The following DOCK4 variants were observed in gnomAD, a reference collection of about 807,000 sequenced individuals.
The protein encoded by DOCK4 is dedicator of cytokinesis protein 4.
In DOCK4, 97 loss-of-function variants were observed where a neutral mutation model predicts 268.1. That is an observed-to-expected ratio of 0.36 (90% CI 0.31 to 0.43). The LOEUF (loss-of-function observed/expected upper bound fraction) is 0.43, where lower values mean the gene tolerates loss of function less well. Ranked by LOEUF, DOCK4 falls within the 20% of genes least tolerant of loss-of-function variation. The pLI is 1.00. For missense variants in DOCK4, 2,145 were observed against 2,455.7 expected (o/e 0.87, Z 2.67); for synonymous variants, 954 against 887.2 (o/e 1.08, Z -1.34).
intron 38 of DOCK4, among the ~76,000 whole-genome samples, chr7:111,765,495 GCTTTAAAGGATCAAGT>G (rs1433597973): frequency 6.6e-6 from 1 of 152,146 alleles, no homozygotes; most frequent in East Asian, 1.9e-4. Flanking sequence ...GCTGATCCCT[GCTTTAAAGGATCAAGT>G]GTATTATCAC....
intron 7 of DOCK4, among the ~76,000 whole-genome samples, chr7:111,984,079 C>T (rs1208668640): frequency 6.6e-6 from 1 of 152,100 alleles, no homozygotes; most frequent in Non-Finnish European, 1.5e-5. Context: ...TATTGACTTC[C>T]TGGTGCCTGG....
intron 39 of DOCK4, among the ~76,000 whole-genome samples, chr7:111,764,358 CA>C (rs1306962252): frequency 6.6e-6 from 1 of 152,168 alleles, no homozygotes; most frequent in Non-Finnish European, 1.5e-5. Context: ...ACACAAACAT[CA>C]AAATATTTCT....
At chr7:111,731,873 T>TGG (rs1159664150) in intron 52 of DOCK4, among the ~76,000 whole-genome samples, 1 of 152,032 alleles carries the variant, frequency 6.6e-6, no homozygotes. Context: ...TGTGTGTGTG[T>TGG]GTTTGATGTA....
chr7:111,791,605 T>C (rs1799555577), intron 30 of DOCK4, among the ~76,000 whole-genome samples: 1 of 152,044 alleles, frequency 6.6e-6, no homozygotes, highest in Admixed American at 6.5e-5. Flanking sequence ...CATGACACCA[T>C]GGCCAGCTAA....
chr7:111,911,178 A>C (rs1792067430), intron 13 of DOCK4, among the ~76,000 whole-genome samples: 1 of 152,188 alleles, frequency 6.6e-6, no homozygotes, highest in African/African-American at 2.4e-5. Flanking sequence ...TTAACTCTGA[A>C]GGACACATCT....
chr7:112,054,339 A>C (rs1336295548), intron 1 of DOCK4, among the ~76,000 whole-genome samples: 7 of 152,130 alleles, frequency 4.6e-5, no homozygotes, highest in African/African-American at 1.7e-4. Flanking sequence ...CAATTTCAAA[A>C]TGATGAGACC....
rs1252737692 is a variant in DOCK4 at position 111,739,172 on chromosome 7, A to C, written c.5194T>G (p.Cys1732Gly). The change falls in exon 49 of 53, where the codon TGC becomes GGC. Residue 1732 changes from cysteine (C) to glycine (G), a missense_variant. Around this residue, in one of 2 missense-constraint regions of DOCK4, gnomAD observed 547 missense variants for 469.0 expected, o/e 1.17. Coordinates refer to ENST00000428084, the MANE Select transcript of DOCK4 (RefSeq NM_001363540.2). The stretch of plus-strand genomic sequence containing the variant: ...ACAGGTGTTGGATAGATGGCACTGC[A>C]TGGTCTCTCTCTTGGTGACAGGCAA... ...NSCLSPRERP[C>G]SAIYPTPVEP... The C allele has an allele frequency of 1.2e-6, 2 of 1,613,990 alleles. No homozygotes were observed. Among genetic ancestry groups the C allele is most frequent in the Admixed American group, 3.3e-5 (2 of 60,024 alleles).
chr7:111,934,973 G>A (rs1471297242), intron 12 of DOCK4, among the ~76,000 whole-genome samples: 1 of 151,226 alleles, frequency 6.6e-6, no homozygotes, highest in Non-Finnish European at 1.5e-5. Context: ...TTGAGACAGA[G>A]TCTTACTGTG....
At chr7:111,764,702 G>C (rs997566734) in intron 39 of DOCK4, among the ~76,000 whole-genome samples, 1 of 151,932 alleles carries the variant, frequency 6.6e-6, no homozygotes, top group African/African-American at 2.4e-5. Context: ...TCATCAAAAT[G>C]GCCAAACAAC....
intron 13 of DOCK4, among the ~76,000 whole-genome samples, chr7:111,905,609 G>A (rs902413781): frequency 8.6e-5 from 13 of 152,046 alleles, no homozygotes; most frequent in Non-Finnish European, 1.6e-4. Context: ...AGGATACAGC[G>A]CATGATCACC....
intron 1 of DOCK4, among the ~76,000 whole-genome samples, chr7:112,197,970 G>GAAAAAAAAAAAAAAAAAA (rs10525534): frequency 7.2e-5 from 8 of 111,068 alleles, no homozygotes; most frequent in Middle Eastern, 5.0e-3. Context: ...GACCTGCCTA[G>GAAAAAAAAAAAAAAAAAA]AAAAAAAAAA....
At chr7:111,821,374 G>C (rs1801965652) in intron 27 of DOCK4, 1 of 152,252 alleles carries the variant, frequency 6.6e-6, no homozygotes, top group African/African-American at 2.4e-5. Context: ...TGTGGGCTTG[G>C]AGAGTGACAA....
chr7:111,907,970 C>T (rs1791735188), intron 13 of DOCK4, among the ~76,000 whole-genome samples: 1 of 152,106 alleles, frequency 6.6e-6, no homozygotes. Flanking sequence ...TCAAGCAATC[C>T]ACCATCCTTG....
At chr7:111,877,813 A>T (rs1807036908) in intron 16 of DOCK4, among the ~76,000 whole-genome samples, 1 of 152,224 alleles carries the variant, frequency 6.6e-6, no homozygotes, top group Admixed American at 6.5e-5. Context: ...TTAGTCAAGG[A>T]TTGTTGCTTA....
At chr7:112,138,894 G>C (rs1204866552) in intron 1 of DOCK4, among the ~76,000 whole-genome samples, 1 of 152,140 alleles carries the variant, frequency 6.6e-6, no homozygotes, top group African/African-American at 2.4e-5. Flanking sequence ...CTGTCTACAA[G>C]CCAGGAAGTG....
chr7:111,858,734 C>T (rs1235976339), intron 23 of DOCK4, among the ~76,000 whole-genome samples: 5 of 152,108 alleles, frequency 3.3e-5, no homozygotes. Flanking sequence ...CCTCTATAAT[C>T]ACGTAAACCA....
rs763189240 is a variant in DOCK4, at chr7:111,915,770, G to A, written c.1192+9C>T. The A allele has an allele frequency of 6.2e-7, 1 of 1,612,366 alleles. No homozygotes were observed. Among genetic ancestry groups the A allele is most frequent in the Non-Finnish European group, 8.5e-7 (1 of 1,179,356 alleles). On this transcript the variant is annotated intron_variant, in intron 13 of 52. Transcript: ENST00000428084. ...ATTTCATCATATCGGTACGTCCCAA[G>A]TCACCTACCAGGCATAATAATATTT... is the stretch of plus-strand genomic sequence containing the variant.
intron 1 of DOCK4, among the ~76,000 whole-genome samples, chr7:112,086,107 GTAC>G (rs1304531202): frequency 6.6e-6 from 1 of 152,086 alleles, no homozygotes; most frequent in Non-Finnish European, 1.5e-5. Context: ...TTGCTTAAAT[GTAC>G]TACAGGAAAA....
At chr7:111,758,530 G>T in intron 41 of DOCK4, 94 bp downstream of exon 41, 1 of 1,373,196 alleles carries the variant, frequency 7.3e-7, no homozygotes, top group Non-Finnish European at 1.0e-6. Context: ...TCTGTCACTT[G>T]ACACTATTCT....
Sources: gnomAD v4.1 joint callset for allele counts (sites outside exome capture counted in the v4.1 genomes callset) on GRCh38, gnomAD v4.1.1 for gene constraint, gnomAD v4.1.1 regional missense constraint, MANE v1.5 for transcripts, NCBI Gene and HGNC (gene_info 2026-07-23, HGNC 2026-07-21) for gene names.